ATRIP: variants seen among roughly 807,000 people sequenced by gnomAD.
The protein encoded by ATRIP is ATR interacting protein, also known as ATR-interacting protein.
Under a neutral mutation model 78.1 loss-of-function variants are expected in ATRIP, and 44 were observed. The ratio of observed to expected loss-of-function variants is 0.56; its 90% CI spans 0.44 to 0.72. The LOEUF is 0.72. Ranked by LOEUF, ATRIP falls within the 30% of genes least tolerant of loss-of-function variation. The pLI, the probability that ATRIP is intolerant of heterozygous loss-of-function variation, is 0.00. For missense variants in ATRIP, 927 were observed against 980.2 expected (o/e 0.95, Z 0.72); for synonymous variants, 388 against 408.9 (o/e 0.95, Z 0.62).
intron 4 of ATRIP, 29 bp from the exon 5 acceptor site, chr3:48,457,230 A>C: frequency 6.6e-7 from 1 of 1,515,536 alleles, no homozygotes; most frequent in South Asian, 1.4e-5. Context: ...TAGAATCATT[A>C]CTTTGCTTTC....
At position 48,460,811 on chromosome 3, in the gene ATRIP, C is replaced by T; in HGVS notation, c.1745+12C>T. On this transcript the variant is annotated intron_variant, in intron 8 of 12. Coordinates refer to ENST00000320211, the MANE Select transcript of ATRIP (RefSeq NM_130384.3). ...GATTTCTTGCCCAGGTATTAAGCTG[C>T]ATAGGAGTCATGATTCTTTGTGGGT... is the stretch of plus-strand genomic sequence containing the variant. 6.3e-7 allele frequency: 1 copy of T among 1,576,526 alleles called. No individual in the cohort carries two copies. Among genetic ancestry groups the T allele is most frequent in the Non-Finnish European group, 8.7e-7 (1 of 1,155,226 alleles).
intron 2 of ATRIP, among the ~76,000 whole-genome samples, chr3:48,450,878 G>A (rs532094725): frequency 1.3e-5 from 2 of 151,560 alleles, no homozygotes; most frequent in South Asian, 2.1e-4. Context: ...GACCCAGATC[G>A]TTAATGCCTC....
At chr3:48,465,447 C>T (rs1453320500) in intron 12 of ATRIP, 40 bp from the exon 13 acceptor site, 1 of 1,597,060 alleles carries the variant, frequency 6.3e-7, no homozygotes, top group South Asian at 1.1e-5. Flanking sequence ...GGCCCTGGCA[C>T]CTTTGGGCCC....
chr3:48,458,571 C>T (rs1316232099), intron 5 of ATRIP, among the ~76,000 whole-genome samples: 1 of 152,198 alleles, frequency 6.6e-6, no homozygotes, highest in Non-Finnish European at 1.5e-5. Context: ...CCACCCACTT[C>T]AGCCTCCCAA....
intron 8 of ATRIP, among the ~76,000 whole-genome samples, chr3:48,462,933 C>T (rs1414687657): frequency 6.6e-6 from 1 of 152,180 alleles, no homozygotes; most frequent in African/African-American, 2.4e-5. Context: ...AGGATTTGCC[C>T]TAAAGTGAGT....
At position 48,446,930 on chromosome 3, in the gene ATRIP, C is replaced by G. The variant is rs530772573; in HGVS notation, c.85C>G (p.Pro29Ala). 6 of 1,454,334 alleles carry G rather than the reference C, an allele frequency of 4.1e-6. No individual in the cohort carries two copies. The South Asian group carries it at 5.8e-5, about 14-fold the overall frequency. 90.1% of individuals were successfully genotyped at this position (1,454,334 alleles called of 1,614,324 possible). A position where few individuals can be genotyped will look rare whatever the true frequency, so the allele number is the denominator to read the frequency against. The change falls in exon 1 of 13, where the codon CCC becomes GCC. Residue 29 changes from proline (P) to alanine (A), a missense_variant. By Grantham distance (27) the Pro-to-Ala change is conservative. Coordinates refer to ENST00000320211, the MANE Select transcript of ATRIP (RefSeq NM_130384.3). ...RPGPPPGTGH[P>A]PSKRARGFSA... ...CGGCCCGCCGCCGGGCACCGGGCAC[C>G]CCCCGAGCAAGCGGGCCCGGGGCTT...
Position 48,457,421 on chromosome 3 carries a change from G to A in ATRIP, c.829+5G>A. On this transcript the variant is annotated splice_donor_5th_base_variant and intron_variant, in intron 5 of 12. Transcript: ENST00000320211. Reference sequence around the variant, plus strand: ...AGCCTCTGGTGGGCAGAGAGGGTAAGTCCATTAGTCATCTATTGATGTATA... The same window carrying A: ...AGCCTCTGGTGGGCAGAGAGGGTAAATCCATTAGTCATCTATTGATGTATA... 1 of 1,534,996 alleles carries A rather than the reference G, an allele frequency of 6.5e-7. No individual in the cohort carries two copies. Among genetic ancestry groups the A allele is most frequent in the Non-Finnish European group, 8.7e-7 (1 of 1,144,370 alleles).
rs549435972 is a variant in ATRIP, at chr3:48,446,809, G to T, written c.-37G>T. 5 of 1,378,296 alleles carry T rather than the reference G, an allele frequency of 3.6e-6. No homozygotes were observed. In the South Asian group the frequency reaches 6.2e-5, roughly 17 times the overall value. The allele number at this position is 1,378,296 out of a possible 1,614,324, so 85.4% of individuals were successfully genotyped here. A position where few individuals can be genotyped will look rare whatever the true frequency, so the allele number is the denominator to read the frequency against. On this transcript the variant is annotated 5_prime_UTR_variant, in exon 1 of 13. Coordinates refer to ENST00000320211, the MANE Select transcript of ATRIP (RefSeq NM_130384.3). Reference sequence around the variant, plus strand: ...TCCGGCCTGGCGGCAGGCAAGTCTAGCTCGGCGCTGTCGGATACTTGGGGT... The same window carrying T: ...TCCGGCCTGGCGGCAGGCAAGTCTATCTCGGCGCTGTCGGATACTTGGGGT...
In ATRIP at chr3:48,457,157, C is replaced by A. The variant is rs562250009; in HGVS notation, c.672-102C>A. The A allele has an allele frequency of 1.3e-4, 144 of 1,146,946 alleles. 1 individual carries two copies. In the Middle Eastern group the frequency reaches 3.7e-3, roughly 29 times the overall value. 71.0% of individuals were successfully genotyped at this position (1,146,946 alleles called of 1,614,324 possible). On this transcript the variant is annotated intron_variant, in intron 4 of 12. Transcript: ENST00000320211. ...TAGATAAAACCTTTGGTTAAAACAC[C>A]TAGACATGAAAAGTTTAAAGTTTGT...
chr3:48,460,168 C>T lies in ATRIP; in HGVS notation c.1114C>T (p.Leu372Phe). The T allele has an allele frequency of 1.2e-6, 2 of 1,614,010 alleles. No homozygotes were observed. Among genetic ancestry groups the T allele is most frequent in the Non-Finnish European group, 8.5e-7 (1 of 1,180,024 alleles). The change falls in exon 8 of 13, where the codon CTC becomes TTC. Residue 372 changes from leucine (L) to phenylalanine (F), a missense_variant. Physicochemically the swap from Leu to Phe is conservative, Grantham distance 22. Coordinates refer to ENST00000320211, the MANE Select transcript of ATRIP (RefSeq NM_130384.3). ...AGGTTCTTATGATGGGTCATTTTCC[C>T]TCTCAGCCCTGAGAGAAGCACAGAA... Reference protein sequence around the residue: ...TTGSYDGSFSLSALREAQNLA... With the variant: ...TTGSYDGSFSFSALREAQNLA...
At chr3:48,451,282 G>T (rs747504033) in intron 2 of ATRIP, among the ~76,000 whole-genome samples, 5 of 152,136 alleles carry the variant, frequency 3.3e-5, no homozygotes, top group Non-Finnish European at 7.4e-5. Context: ...TTGAACCCAA[G>T]AGTTCAAGAC....
At chr3:48,449,698 C>T (rs1046932843) in intron 1 of ATRIP, among the ~76,000 whole-genome samples, 7 of 138,736 alleles carry the variant, frequency 5.0e-5, no homozygotes, top group African/African-American at 1.9e-4. Context: ...GAGGCTGAGG[C>T]GGGTGGATCG....
At chr3:48,450,463 C>A in intron 2 of ATRIP, 1 of 1,244,072 alleles carries the variant, frequency 8.0e-7, no homozygotes, top group Non-Finnish European at 1.1e-6. Context: ...AATAATACAA[C>A]TTCATAATGG....
intron 1 of ATRIP, 24 bp downstream of exon 1, chr3:48,447,116 G>A (rs760902972): frequency 1.4e-6 from 2 of 1,480,514 alleles, no homozygotes; most frequent in Non-Finnish European, 1.8e-6. Context: ...GCGGCCTTTT[G>A]CTCGGAGGGA....
At chr3:48,453,407 T>G (rs1303812430) in intron 3 of ATRIP, among the ~76,000 whole-genome samples, 2 of 152,178 alleles carry the variant, frequency 1.3e-5, no homozygotes, top group Non-Finnish European at 2.9e-5. Context: ...AGCAAGGAAT[T>G]TGCGGTCAGA....
chr3:48,453,519 A>G (rs908607428), intron 3 of ATRIP, among the ~76,000 whole-genome samples: 3 of 152,160 alleles, frequency 2.0e-5, no homozygotes, highest in Non-Finnish European at 4.4e-5. Context: ...CCAAGACATA[A>G]CCAGAAAGGT....
chr3:48,463,121 G>A (rs2040166065), intron 8 of ATRIP, among the ~76,000 whole-genome samples: 1 of 152,204 alleles, frequency 6.6e-6, no homozygotes, highest in Non-Finnish European at 1.5e-5. Flanking sequence ...CCCAGGCTAT[G>A]TGGGTTGAGC....
intron 4 of ATRIP, among the ~76,000 whole-genome samples, chr3:48,455,358 A>G (rs6776700): frequency 0.62 from 94,641 of 152,068 alleles, 29,854 homozygotes; most frequent in African/African-American, 0.73. Context: ...CAGATCAGAG[A>G]GTTAATACTG....
chr3:48,448,753 C>T (rs1243627126), intron 1 of ATRIP, among the ~76,000 whole-genome samples: 1 of 152,268 alleles, frequency 6.6e-6, no homozygotes, highest in African/African-American at 2.4e-5. Context: ...TCAGCTCCTT[C>T]AAGTCTTCCC....
Sources: gnomAD v4.1 joint callset for allele counts (sites outside exome capture counted in the v4.1 genomes callset) on GRCh38, gnomAD v4.1.1 for gene constraint, MANE v1.5 for transcripts, NCBI Gene and HGNC (gene_info 2026-07-23, HGNC 2026-07-21) for gene names.